Variants in TTPA observed in about 807,000 individuals in gnomAD.
The protein encoded by TTPA is alpha tocopherol transfer protein.
TTPA carries 23 observed loss-of-function variants against 25.9 expected under a neutral mutation model. The ratio of observed to expected loss-of-function variants is 0.89; its 90% CI spans 0.64 to 1.26. TTPA has a LOEUF of 1.26. Ranked by LOEUF, TTPA falls within the 50% of genes most tolerant of loss-of-function variation. The probability of loss-of-function intolerance (pLI) is 0.00; values close to 1 mark genes in which losing one functional copy is unlikely to be tolerated. For missense variants in TTPA, 337 were observed against 353.1 expected, an observed-to-expected ratio of 0.95 and a Z score of 0.37; for synonymous variants, 148 against 137.3, an observed-to-expected ratio of 1.08 and a Z score of -0.54.
At chr8:63,082,608 A>C (rs1431272287) in intron 1 of TTPA, among the ~76,000 whole-genome samples, 1 of 152,224 alleles carries the variant, frequency 6.6e-6, no homozygotes, top group Non-Finnish European at 1.5e-5. Flanking sequence ...TAAAACACCA[A>C]AAGCAATGGC....
At chr8:63,072,379 C>G (rs1432879017) in intron 2 of TTPA, among the ~76,000 whole-genome samples, 6 of 152,170 alleles carry the variant, frequency 3.9e-5, no homozygotes, top group Admixed American at 3.9e-4. Flanking sequence ...CCTCCTGCCT[C>G]GGCCTCCCGA....
At chr8:63,065,475 C>G (rs1805374693) in intron 3 of TTPA, among the ~76,000 whole-genome samples, 1 of 151,810 alleles carries the variant, frequency 6.6e-6, no homozygotes. Context: ...AGCTAGTTTC[C>G]CAGAAATAGA....
chr8:63,058,671 G>C (rs1805241075), downstream of TTPA, among the ~76,000 whole-genome samples: 1 of 152,010 alleles, frequency 6.6e-6, no homozygotes, highest in South Asian at 2.1e-4. Context: ...AATATGCCTA[G>C]ATTAACTGAC....
In TTPA at chr8:63,085,760, G is replaced by A. The variant is rs1805739348; in HGVS notation, c.204+58C>T. The A allele has an allele frequency of 3.3e-6, 5 of 1,514,970 alleles. No individual in the cohort carries two copies. The East Asian group carries it at 1.3e-4, about 38-fold the overall frequency. 93.8% of individuals were successfully genotyped at this position (1,514,970 alleles called of 1,614,324 possible). A position where few individuals can be genotyped will look rare whatever the true frequency, so the allele number is the denominator to read the frequency against. Reference sequence around the variant, plus strand: ...GGGGTCAGATATCCGGGGTCGTGGGGCGGGGGACGGGGCGGGTGAGGTGCG... The same window carrying A: ...GGGGTCAGATATCCGGGGTCGTGGGACGGGGGACGGGGCGGGTGAGGTGCG... On this transcript the variant is annotated intron_variant, in intron 1 of 4. Transcript: ENST00000260116.
chr8:63,073,315 T>C (rs190927355), intron 1 of TTPA, among the ~76,000 whole-genome samples: 96 of 152,298 alleles, frequency 6.3e-4, no homozygotes, highest in Non-Finnish European at 9.6e-4. Context: ...TCACCACCCA[T>C]GGTAGATATC....
intron 1 of TTPA, among the ~76,000 whole-genome samples, chr8:63,077,455 C>T (rs1016994689): frequency 1.3e-5 from 2 of 152,344 alleles, no homozygotes; most frequent in South Asian, 4.1e-4. Context: ...CACTTCCACC[C>T]AAATACTGCA....
intron 1 of TTPA, among the ~76,000 whole-genome samples, chr8:63,073,411 C>G (rs917253712): frequency 1.3e-5 from 2 of 152,158 alleles, no homozygotes; most frequent in African/African-American, 2.4e-5. Context: ...TGCTTCACTC[C>G]CCTTGAATCT....
intron 2 of TTPA, among the ~76,000 whole-genome samples, chr8:63,066,330 G>A (rs974432024): frequency 2.0e-5 from 3 of 152,196 alleles, no homozygotes; most frequent in African/African-American, 7.2e-5. Context: ...AAAAAGGAAT[G>A]GACACAGGCT....
intron 1 of TTPA, among the ~76,000 whole-genome samples, chr8:63,082,717 G>A (rs1281201617): frequency 6.6e-6 from 1 of 152,132 alleles, no homozygotes; most frequent in African/African-American, 2.4e-5. Flanking sequence ...CCTACAGAAT[G>A]GGAGAAAATT....
intron 4 of TTPA, among the ~76,000 whole-genome samples, chr8:63,062,166 TG>T (rs1290530288): frequency 2.7e-5 from 4 of 149,802 alleles, no homozygotes; most frequent in Non-Finnish European, 3.0e-5. Flanking sequence ...CTGCACAAAG[TG>T]AGGCCCTGTC....
chr8:63,078,681 G>A (rs914554323), intron 1 of TTPA, among the ~76,000 whole-genome samples: 1 of 152,184 alleles, frequency 6.6e-6, no homozygotes, highest in African/African-American at 2.4e-5. Context: ...AGAAATATGG[G>A]CCTATGTGAA....
At chr8:63,077,780 CCT>C (rs1185428637) in intron 1 of TTPA, among the ~76,000 whole-genome samples, 2 of 152,190 alleles carry the variant, frequency 1.3e-5, no homozygotes, top group Non-Finnish European at 2.9e-5. Flanking sequence ...CTTAAACGTC[CCT>C]GTCTGACAGT....
At chr8:63,078,970 C>G (rs914690218) in intron 1 of TTPA, among the ~76,000 whole-genome samples, 2 of 152,202 alleles carry the variant, frequency 1.3e-5, no homozygotes, top group African/African-American at 4.8e-5. Flanking sequence ...GGAAGCCCAT[C>G]AGACTAACAG....
intron 1 of TTPA, among the ~76,000 whole-genome samples, chr8:63,077,562 G>A (rs1031078024): frequency 1.4e-4 from 21 of 152,242 alleles, no homozygotes; most frequent in South Asian, 4.1e-4. Context: ...CACTGCTAGC[G>A]TGGCAGTCTG....
intron 1 of TTPA, among the ~76,000 whole-genome samples, chr8:63,082,672 T>C (rs758075792): frequency 1.3e-5 from 2 of 152,132 alleles, no homozygotes; most frequent in African/African-American, 2.4e-5. Flanking sequence ...AGCTTCTGCA[T>C]GGCAAAAGAA....
chr8:63,061,013 G>A lies in TTPA; in HGVS notation c.*239C>T, dbSNP rs761554482. 11 of 421,508 alleles carry A rather than the reference G, an allele frequency of 2.6e-5. No homozygotes were observed. Among genetic ancestry groups the A allele is most frequent in the Admixed American group, 1.5e-4 (4 of 26,514 alleles). 26.1% of individuals were successfully genotyped at this position (421,508 alleles called of 1,614,324 possible). On this transcript the variant is annotated 3_prime_UTR_variant, in exon 5 of 5. Transcript: ENST00000260116. ...TGTTCTCTTCAAGTACAAAATCGCCGATTTTTATGCTCTTAAAATGTACTG... is the reference window on the plus strand; with the variant it reads ...TGTTCTCTTCAAGTACAAAATCGCCAATTTTTATGCTCTTAAAATGTACTG...
intron 1 of TTPA, among the ~76,000 whole-genome samples, chr8:63,082,375 A>G (rs1241407307): frequency 1.3e-5 from 2 of 152,212 alleles, no homozygotes; most frequent in African/African-American, 4.8e-5. Flanking sequence ...AAATCTGACA[A>G]AAACAAAAAA....
chr8:63,071,703 T>C lies in TTPA; in HGVS notation c.358+1232A>G, dbSNP rs540691047. Among the ~76,000 whole-genome samples the C allele has an allele frequency of 1.8e-3, 279 of 152,230 alleles. 1 individual carries two copies. Among genetic ancestry groups the C allele is most frequent in the African/African-American group, 6.3e-3 (262 of 41,538 alleles). The stretch of plus-strand genomic sequence containing the variant: ...GTCATGAGGATGGAACCCTCATGAA[T>C]GGGATTAGTGCCCTTATGAGTTCCA... On this transcript the variant is annotated intron_variant, in intron 2 of 4. Transcript: ENST00000260116.
chr8:63,059,192 CG>C (rs1223587502), downstream of TTPA, among the ~76,000 whole-genome samples: 3 of 149,642 alleles, frequency 2.0e-5, no homozygotes, highest in African/African-American at 7.3e-5. Context: ...CCACTACGCC[CG>C]GCTAATTTTT....
Sources: gnomAD v4.1 joint callset for allele counts (sites outside exome capture counted in the v4.1 genomes callset) on GRCh38, gnomAD v4.1.1 for gene constraint, MANE v1.5 for transcripts, NCBI Gene and HGNC (gene_info 2026-07-23, HGNC 2026-07-21) for gene names.